DPP6: variants seen among roughly 807,000 people sequenced by gnomAD.
The protein encoded by DPP6 is A-type potassium channel modulatory protein DPP6.
Under a neutral mutation model 122.6 loss-of-function variants are expected in DPP6, and 69 were observed. The observed-to-expected ratio is 0.56, with a 90% CI of 0.46 to 0.69. DPP6 has a LOEUF of 0.69. Ranked by LOEUF, DPP6 falls within the 30% of genes least tolerant of loss-of-function variation. The pLI is 0.00. For synonymous variants in DPP6, 418 were observed against 433.1 expected, an observed-to-expected ratio of 0.97 and a Z score of 0.43; for missense variants, 928 against 1,116.9, an observed-to-expected ratio of 0.83 and a Z score of 2.41.
intron 1 of DPP6, among the ~76,000 whole-genome samples, chr7:154,442,923 G>C (rs1188461913): frequency 1.3e-5 from 2 of 152,120 alleles, no homozygotes; most frequent in Non-Finnish European, 2.9e-5. Context: ...TTTCCTCTAA[G>C]CAGCTCCCCT....
chr7:154,826,704 C>T (rs1800173895), intron 16 of DPP6, among the ~76,000 whole-genome samples: 2 of 151,982 alleles, frequency 1.3e-5, no homozygotes, highest in South Asian at 4.2e-4. Context: ...AATCTCCTTA[C>T]AAAGTGCTTT....
chr7:154,773,294 G>T (rs1305256348), intron 10 of DPP6, among the ~76,000 whole-genome samples: 1 of 152,164 alleles, frequency 6.6e-6, no homozygotes, highest in Non-Finnish European at 1.5e-5. Flanking sequence ...CATAAATGGT[G>T]CTCTGTATTT....
chr7:154,855,750 C>G (rs1802780559), intron 17 of DPP6, among the ~76,000 whole-genome samples: 1 of 152,232 alleles, frequency 6.6e-6, no homozygotes, highest in African/African-American at 2.4e-5. Flanking sequence ...TTTGAAACAC[C>G]TGTGCTAGAC....
At chr7:153,807,452 A>G in the DPP6 span, among the ~76,000 whole-genome samples, 2 of 151,816 alleles carry the variant, frequency 1.3e-5, no homozygotes, top group Non-Finnish European at 2.9e-5. Flanking sequence ...AAGACCATAG[A>G]AGCATATGAA....
At chr7:154,095,437 ATC>A (rs1805258080) in intron 1 of DPP6, 1 of 142,874 alleles carries the variant, frequency 7.0e-6, no homozygotes, top group African/African-American at 2.5e-5. Flanking sequence ...TCTTTTTTGG[ATC>A]TCTCTGCTTG....
At chr7:154,829,942 G>C (rs1800500235) in intron 16 of DPP6, among the ~76,000 whole-genome samples, 1 of 152,222 alleles carries the variant, frequency 6.6e-6, no homozygotes, top group African/African-American at 2.4e-5. Context: ...TCTGTTTGCT[G>C]TTCAAGTCTC....
rs887544823 is a variant in DPP6, at chr7:154,483,134, T to G, written c.457+8097T>G. Among the ~76,000 whole-genome samples, 2 of 151,806 alleles carry G rather than the reference T, an allele frequency of 1.3e-5. No individual in the cohort carries two copies. Among genetic ancestry groups the G allele is most frequent in the Non-Finnish European group, 2.9e-5 (2 of 67,938 alleles). The stretch of plus-strand genomic sequence containing the variant: ...GGACACGGAGGTGTCTGAGGAAGTG[T>G]GGTCAGGGAGGCAGGAGGAGAACTT... On this transcript the variant is annotated intron_variant, in intron 3 of 25. Transcript: ENST00000377770. The surrounding 1 kb of genome is among the most constrained non-coding windows in gnomAD (Gnocchi z 8.1).
intron 1 of DPP6, among the ~76,000 whole-genome samples, chr7:154,229,317 G>C (rs1445551561): frequency 1.3e-5 from 2 of 152,290 alleles, no homozygotes; most frequent in Admixed American, 6.5e-5. Flanking sequence ...TTGAGGAAAT[G>C]CTTCAGGATC....
chr7:153,847,606 G>C, the DPP6 span, among the ~76,000 whole-genome samples: 2 of 152,254 alleles, frequency 1.3e-5, no homozygotes, highest in East Asian at 3.9e-4. Flanking sequence ...TGGAGATTTG[G>C]TTTTGTACTT....
chr7:154,584,910 A>G (rs11772670), intron 5 of DPP6, among the ~76,000 whole-genome samples: 16,688 of 152,264 alleles, frequency 0.11, 1,018 homozygotes, highest in Middle Eastern at 0.17. Flanking sequence ...TATAACATAT[A>G]CAATTTAACT....
chr7:154,662,110 A>G (rs370772233), intron 6 of DPP6, among the ~76,000 whole-genome samples: 11 of 143,314 alleles, frequency 7.7e-5, no homozygotes, highest in South Asian at 4.6e-4. Context: ...TCACCATGGC[A>G]TATTGGCGCT....
At chr7:154,690,464 C>T (rs1446108063) in intron 7 of DPP6, among the ~76,000 whole-genome samples, 2 of 152,158 alleles carry the variant, frequency 1.3e-5, no homozygotes, top group South Asian at 2.1e-4. Flanking sequence ...CTTTGAGTAA[C>T]TGTCTTCCAT....
At chr7:153,902,780 G>A (rs570441687) in intron 1 of DPP6, among the ~76,000 whole-genome samples, 1 of 152,074 alleles carries the variant, frequency 6.6e-6, no homozygotes, top group Non-Finnish European at 1.5e-5. Flanking sequence ...AGGTTGCAGT[G>A]AGCCGAGCTT....
chr7:154,806,524 A>G (rs890294444), intron 15 of DPP6, among the ~76,000 whole-genome samples: 1 of 152,142 alleles, frequency 6.6e-6, no homozygotes, highest in African/African-American at 2.4e-5. Flanking sequence ...GTTCAATTCC[A>G]CTGGTGCTGC....
intron 1 of DPP6, among the ~76,000 whole-genome samples, chr7:154,213,839 C>T (rs1470155457): frequency 1.3e-5 from 2 of 152,152 alleles, no homozygotes; most frequent in African/African-American, 2.4e-5. Flanking sequence ...ACAGCCTGAA[C>T]ACAGGCCAGG....
chr7:154,541,669 T>C (rs1586582095), intron 4 of DPP6, among the ~76,000 whole-genome samples: 1 of 152,214 alleles, frequency 6.6e-6, no homozygotes, highest in African/African-American at 2.4e-5. Flanking sequence ...TAAAGCTATG[T>C]TAAAAAGCAA....
chr7:154,383,597 A>G (rs551523205), intron 1 of DPP6, among the ~76,000 whole-genome samples: 1 of 152,268 alleles, frequency 6.6e-6, no homozygotes, highest in African/African-American at 2.4e-5. Flanking sequence ...AGTTTTAAAC[A>G]TGTGTTAGTG....
intron 5 of DPP6, among the ~76,000 whole-genome samples, chr7:154,609,921 A>G (rs1369445262): frequency 6.6e-6 from 1 of 152,224 alleles, no homozygotes; most frequent in Non-Finnish European, 1.5e-5. Flanking sequence ...TGCTTTTTAT[A>G]TTCTCCTTGG....
At position 154,789,427 on chromosome 7, in the gene DPP6, G is replaced by A. The variant is rs373888375; in HGVS notation, c.1137-4652G>A. Reference sequence around the variant, plus strand: ...GAAGAGAAAAACCTTTTCCTTCTGCGTTCTCATGGCTGGGGCTGCCCTGTT... The same window carrying A: ...GAAGAGAAAAACCTTTTCCTTCTGCATTCTCATGGCTGGGGCTGCCCTGTT... On this transcript the variant is annotated intron_variant, in intron 10 of 25. Transcript: ENST00000377770. Among the ~76,000 whole-genome samples the A allele has an allele frequency of 1.1e-3, 160 of 152,330 alleles. 1 individual carries two copies. The highest frequency in any genetic ancestry group is 3.3e-3 in the African/African-American group (139 of 41,576).
Sources: allele counts gnomAD v4.1 joint callset (sites outside exome capture counted in the v4.1 genomes callset), GRCh38; gene constraint gnomAD v4.1.1; non-coding constraint Gnocchi (gnomAD v3.1); transcripts MANE v1.5; gene names NCBI Gene and HGNC (gene_info 2026-07-23, HGNC 2026-07-21).